The following TBC1D30 variants were observed in gnomAD, a reference collection of about 807,000 sequenced individuals.
TBC1D30 encodes the protein TBC1 domain family member 30, also known as TBC1 domain family, member 30.
TBC1D30 carries 31 observed loss-of-function variants against 63.2 expected under a neutral mutation model. The observed-to-expected ratio is 0.49, with a 90% confidence interval of 0.37 to 0.66. The LOEUF (loss-of-function observed/expected upper bound fraction) is 0.66, where lower values mean the gene tolerates loss of function less well. Among genes scored for constraint, TBC1D30 ranks in the 30% least tolerant of loss-of-function variants. The pLI is 0.00. For missense variants in TBC1D30, 810 were observed against 953.6 expected (o/e 0.85, Z 1.98); for synonymous variants, 307 against 361.5 (o/e 0.85, Z 1.71).
intron 2 of TBC1D30, among the ~76,000 whole-genome samples, chr12:64,801,357 G>T (rs1872574666): frequency 6.6e-6 from 1 of 152,154 alleles, no homozygotes; most frequent in Non-Finnish European, 1.5e-5. Flanking sequence ...TGAAGCAGGT[G>T]ATTTGGCTAT....
chr12:64,819,063 A>G (rs1403167597), intron 2 of TBC1D30, among the ~76,000 whole-genome samples: 1 of 152,220 alleles, frequency 6.6e-6, no homozygotes, highest in Non-Finnish European at 1.5e-5. Flanking sequence ...ACATTTCTGT[A>G]TGACATTCTG....
At chr12:64,845,944 G>A (rs935734122) in intron 8 of TBC1D30, among the ~76,000 whole-genome samples, 8 of 152,232 alleles carry the variant, frequency 5.3e-5, no homozygotes, top group East Asian at 1.9e-4. Context: ...GATTATAGGC[G>A]TGAGCCACCG....
rs888614209 is a variant in TBC1D30, at chr12:64,878,100, A to T, written c.*2312A>T. ...CACAGTTTGGGATACGTATCTGTTGAATGAATGAATAAGTGAAAGGATAAT... is the reference window on the plus strand; with the variant it reads ...CACAGTTTGGGATACGTATCTGTTGTATGAATGAATAAGTGAAAGGATAAT... On this transcript the variant is annotated 3_prime_UTR_variant, in exon 12 of 12. Transcript: ENST00000539867. 4 of 207,964 alleles carry T rather than the reference A, an allele frequency of 1.9e-5. No individual in the cohort carries two copies. Among genetic ancestry groups the T allele is most frequent in the African/African-American group, 9.1e-5 (4 of 43,884 alleles). The allele number at this position is 207,964 out of a possible 1,614,324, so 12.9% of individuals were successfully genotyped here. A position where few individuals can be genotyped will look rare whatever the true frequency, so the allele number is the denominator to read the frequency against.
At chr12:64,851,911 C>T (rs1409923782) in intron 8 of TBC1D30, among the ~76,000 whole-genome samples, 1 of 152,170 alleles carries the variant, frequency 6.6e-6, no homozygotes, top group African/African-American at 2.4e-5. Flanking sequence ...ATGGGCTTCC[C>T]TTTGTGGGTA....
At chr12:64,824,257 C>A (rs1874083822), upstream of TBC1D30, among the ~76,000 whole-genome samples, 1 of 152,006 alleles carries the variant, frequency 6.6e-6, no homozygotes, top group Non-Finnish European at 1.5e-5. Context: ...TCTAATCTGC[C>A]AGGAAATAAT....
At position 64,876,694 on chromosome 12, in the gene TBC1D30, A is replaced by G. The variant is rs1267380884; in HGVS notation, c.*906A>G. On this transcript the variant is annotated 3_prime_UTR_variant, in exon 12 of 12. Transcript: ENST00000539867. ...AAGGCCTCTGCTCAGAAGCCAGAACACAGCACCTGTGACTCTGTTACTTGA... is the reference window on the plus strand; with the variant it reads ...AAGGCCTCTGCTCAGAAGCCAGAACGCAGCACCTGTGACTCTGTTACTTGA... 2.3e-6 allele frequency: 1 copy of G among 432,836 alleles called. No individual in the cohort carries two copies. Among genetic ancestry groups the G allele is most frequent in the Non-Finnish European group, 4.7e-6 (1 of 214,120 alleles). 26.8% of individuals were successfully genotyped at this position (432,836 alleles called of 1,614,324 possible).
chr12:64,761,769 G>A (rs558869891), intron 1 of TBC1D30, among the ~76,000 whole-genome samples: 3 of 152,328 alleles, frequency 2.0e-5, no homozygotes, highest in African/African-American at 7.2e-5. Context: ...TGCCTATGGA[G>A]TAGCCATTCT....
chr12:64,833,784 A>G (rs1253871899), intron 5 of TBC1D30, among the ~76,000 whole-genome samples: 2 of 152,138 alleles, frequency 1.3e-5, no homozygotes, highest in African/African-American at 2.4e-5. Flanking sequence ...TAGGAGAGGG[A>G]GGAAGGCAGT....
At chr12:64,873,104 G>T (rs1039731496) in intron 11 of TBC1D30, among the ~76,000 whole-genome samples, 1 of 152,158 alleles carries the variant, frequency 6.6e-6, no homozygotes, top group African/African-American at 2.4e-5. Context: ...GATTGAACTT[G>T]AACTAGAGGC....
At chr12:64,785,724 G>A (rs983661909) in intron 1 of TBC1D30, among the ~76,000 whole-genome samples, 3 of 152,116 alleles carry the variant, frequency 2.0e-5, no homozygotes, top group Non-Finnish European at 2.9e-5. Flanking sequence ...TTATTTGATC[G>A]GAATGTCCGA....
chr12:64,780,851 A>G (rs866522287), exon 1 of TBC1D30: 1 of 1,002,112 alleles, frequency 1.0e-6, no homozygotes, highest in Non-Finnish European at 1.2e-6. Context: ...GGGGCTCCGG[A>G]CGGAGCTGGA....
At chr12:64,760,231 A>G (rs137877688) in intron 1 of TBC1D30, among the ~76,000 whole-genome samples, 77 of 152,212 alleles carry the variant, frequency 5.1e-4, no homozygotes, top group Admixed American at 4.6e-4. Context: ...CTAGCTCCAG[A>G]TATTTCTGTG....
intron 10 of TBC1D30, 100 bp from the exon 11 acceptor site, chr12:64,870,502 G>A (rs1878567602): frequency 1.1e-6 from 1 of 910,170 alleles, no homozygotes; most frequent in Non-Finnish European, 1.7e-6. Context: ...AGAATTTCAT[G>A]GAGGTTAAGA....
intron 8 of TBC1D30, among the ~76,000 whole-genome samples, chr12:64,859,229 TA>T (rs1877576533): frequency 6.6e-6 from 1 of 152,080 alleles, no homozygotes; most frequent in South Asian, 2.1e-4. Context: ...ATATACTGCA[TA>T]AGTGTGAGGG....
chr12:64,836,814 G>GGCC (rs1875404106), intron 6 of TBC1D30, among the ~76,000 whole-genome samples, 156 bp downstream of exon 6: 5 of 152,238 alleles, frequency 3.3e-5, no homozygotes, highest in Admixed American at 3.3e-4. Context: ...AAACAAAACT[G>GGCC]ACAACAACAA....
chr12:64,870,755 C>T lies in TBC1D30; in HGVS notation c.1445C>T (p.Ser482Phe). ...TDINALKRQY[S>F]RIKKKQQQQV... ...ATCAATGCACTGAAGCGGCAGTACT[C>T]TCGAATTAAAAAGAAGCAACAGCAG... Residue 482 changes from serine to phenylalanine, a missense_variant, in exon 11 of 12, where the codon TCT becomes TTT. Transcript: ENST00000539867. The T allele has an allele frequency of 6.5e-7, 1 of 1,536,034 alleles. No homozygotes were observed. Among genetic ancestry groups the T allele is most frequent in the Non-Finnish European group, 8.7e-7 (1 of 1,146,874 alleles).
chr12:64,804,708 A>G (rs1462753473), intron 2 of TBC1D30, among the ~76,000 whole-genome samples: 1 of 152,030 alleles, frequency 6.6e-6, no homozygotes, highest in Non-Finnish European at 1.5e-5. Flanking sequence ...CACAAAATTC[A>G]TTTTTTTCCT....
chr12:64,829,207 C>G (rs1222997439), intron 3 of TBC1D30, among the ~76,000 whole-genome samples: 1 of 152,004 alleles, frequency 6.6e-6, no homozygotes, highest in Non-Finnish European at 1.5e-5. Flanking sequence ...CATGATCTGA[C>G]TTTTATTATG....
chr12:64,771,774 C>T (rs1870914936), intron 1 of TBC1D30, among the ~76,000 whole-genome samples: 1 of 152,156 alleles, frequency 6.6e-6, no homozygotes, highest in Non-Finnish European at 1.5e-5. Flanking sequence ...ACAGGAAGAG[C>T]TTTGGGTGGT....
Sources: gnomAD v4.1 joint callset for allele counts (sites outside exome capture counted in the v4.1 genomes callset) on GRCh38, gnomAD v4.1.1 for gene constraint, MANE v1.5 for transcripts, NCBI Gene and HGNC (gene_info 2026-07-23, HGNC 2026-07-21) for gene names.